Variants in DTNA observed in about 807,000 individuals in gnomAD.
DTNA encodes dystrobrevin alpha.
In DTNA, 43 loss-of-function variants were observed where a neutral mutation model predicts 100.7. The ratio of observed to expected loss-of-function variants is 0.43; its 90% CI spans 0.33 to 0.55. The LOEUF (loss-of-function observed/expected upper bound fraction) is 0.55, where lower values mean the gene tolerates loss of function less well. Ranked by LOEUF, DTNA falls within the 20% of genes least tolerant of loss-of-function variation. DTNA has a pLI of 0.04. For synonymous variants in DTNA, 349 were observed against 347.9 expected (o/e 1.00, Z -0.04); for missense variants, 798 against 953.9 (o/e 0.84, Z 2.15).
chr18:34,747,547 T>C (rs2091800379), intron 1 of DTNA, among the ~76,000 whole-genome samples: 1 of 152,154 alleles, frequency 6.6e-6, no homozygotes, highest in Non-Finnish European at 1.5e-5. Context: ...CTTATGCCTT[T>C]GCATCCTCAT....
At chr18:34,759,909 T>G (rs2093028608) in intron 2 of DTNA, 1 of 152,078 alleles carries the variant, frequency 6.6e-6, no homozygotes, top group South Asian at 2.1e-4. Flanking sequence ...GTCTCAAACT[T>G]CTGATCTTAA....
intron 3 of DTNA, among the ~76,000 whole-genome samples, chr18:34,793,524 T>C (rs2094839524): frequency 6.6e-6 from 1 of 152,212 alleles, no homozygotes; most frequent in African/African-American, 2.4e-5. Flanking sequence ...TCCAACAGCA[T>C]ACTACTAAAA....
Position 34,829,490 on chromosome 18 carries a change from G to A in DTNA, c.1175+1G>A, listed in dbSNP as rs2095948197. 1.3e-6 allele frequency: 2 copies of A among 1,515,940 alleles called. No homozygotes were observed. The highest frequency in any genetic ancestry group is 2.5e-5 in the East Asian group (1 of 40,448). 93.9% of individuals were successfully genotyped at this position (1,515,940 alleles called of 1,614,324 possible). On this transcript the variant is annotated splice_donor_variant, in intron 11 of 22. Coordinates refer to ENST00000444659, the MANE Select transcript of DTNA (RefSeq NM_001386795.1). LOFTEE classifies it high-confidence loss of function. ...TAAATCAGCTTGATCACGGTGCACG[G>A]TCAGTATCCCAGCCCTGAATTGCTA...
upstream of DTNA, among the ~76,000 whole-genome samples, chr18:34,705,356 T>C (rs570527668): frequency 6.6e-6 from 1 of 152,234 alleles, no homozygotes; most frequent in South Asian, 2.1e-4. Context: ...GTAACTACCA[T>C]TCCTGACTTG....
At chr18:34,546,442 T>C (rs2044784828) in intron 1 of DTNA, among the ~76,000 whole-genome samples, 1 of 151,852 alleles carries the variant, frequency 6.6e-6, no homozygotes, top group Admixed American at 6.6e-5. Flanking sequence ...GAAGGAAGAG[T>C]CTCAAAGATT....
intron 17 of DTNA, chr18:34,867,220 A>C (rs1214435690): frequency 8.1e-7 from 1 of 1,231,292 alleles, no homozygotes; most frequent in African/African-American, 1.6e-5. Flanking sequence ...GTTTGTGTGT[A>C]ACAAAGAATG....
At chr18:34,649,859 G>A (rs1385219053) in intron 1 of DTNA, among the ~76,000 whole-genome samples, 4 of 151,824 alleles carry the variant, frequency 2.6e-5, no homozygotes, top group African/African-American at 9.7e-5. Flanking sequence ...TATGCTATAC[G>A]TGATCCAAAG....
intron 6 of DTNA, among the ~76,000 whole-genome samples, chr18:34,814,722 T>C (rs1480008736): frequency 6.6e-5 from 10 of 151,814 alleles, no homozygotes; most frequent in Non-Finnish European, 4.4e-5. Flanking sequence ...AAAAAGGACC[T>C]ATGTGTTCAA....
At chr18:34,605,391 A>C (rs1278799986) in intron 1 of DTNA, among the ~76,000 whole-genome samples, 1 of 152,226 alleles carries the variant, frequency 6.6e-6, no homozygotes, top group Non-Finnish European at 1.5e-5. Flanking sequence ...TAATATAAGA[A>C]TGTAATTAAA....
chr18:34,807,877 A>AT (rs2095403609), intron 5 of DTNA, among the ~76,000 whole-genome samples: 5 of 145,004 alleles, frequency 3.4e-5, no homozygotes, highest in Non-Finnish European at 3.0e-5. Flanking sequence ...TCAAAAAAAA[A>AT]GAAAAAAAAA....
At chr18:34,564,456 A>G (rs1324328959) in intron 1 of DTNA, among the ~76,000 whole-genome samples, 2 of 152,146 alleles carry the variant, frequency 1.3e-5, no homozygotes, top group Admixed American at 1.3e-4. Flanking sequence ...CACACTTTTG[A>G]AGGATCTTTG....
chr18:34,855,800 A>G (rs2096545433), intron 15 of DTNA, among the ~76,000 whole-genome samples: 1 of 152,200 alleles, frequency 6.6e-6, no homozygotes. Context: ...TTGCACTGTT[A>G]ATTAACCTAC....
intron 1 of DTNA, among the ~76,000 whole-genome samples, chr18:34,745,075 C>A (rs544720147): frequency 4.5e-4 from 69 of 152,178 alleles, no homozygotes; most frequent in Middle Eastern, 3.4e-3. Flanking sequence ...GTACTCGGAA[C>A]ATAGTAAGCT....
chr18:34,725,174 A>C (rs1332844272), intron 1 of DTNA, among the ~76,000 whole-genome samples: 2 of 152,210 alleles, frequency 1.3e-5, no homozygotes, highest in Non-Finnish European at 2.9e-5. Flanking sequence ...ACCATTCAGG[A>C]GATAGGCATG....
chr18:34,862,175 C>T (rs2096638177), intron 16 of DTNA, among the ~76,000 whole-genome samples: 2 of 148,658 alleles, frequency 1.3e-5, no homozygotes, highest in Admixed American at 1.3e-4. Context: ...CTGAATTTGT[C>T]ACTGAGGAAT....
chr18:34,706,714 A>C (rs1189254820), upstream of DTNA, among the ~76,000 whole-genome samples: 1 of 152,208 alleles, frequency 6.6e-6, no homozygotes, highest in Non-Finnish European at 1.5e-5. Context: ...TTCAAAGGAA[A>C]AGTGCATGTT....
chr18:34,658,042 G>A (rs1015015242), intron 1 of DTNA, among the ~76,000 whole-genome samples: 1 of 152,138 alleles, frequency 6.6e-6, no homozygotes, highest in African/African-American at 2.4e-5. Flanking sequence ...TCTCAAACTG[G>A]CATCTGTTTG....
chr18:34,514,891 G>T (rs1815848), intron 1 of DTNA, among the ~76,000 whole-genome samples: 91,490 of 151,730 alleles, frequency 0.6, 28,925 homozygotes, highest in East Asian at 0.91. Flanking sequence ...ATTTCCACAT[G>T]TGAGTTTCAG....
At chr18:34,618,378 C>A (rs2055765734) in intron 1 of DTNA, among the ~76,000 whole-genome samples, 1 of 152,058 alleles carries the variant, frequency 6.6e-6, no homozygotes, top group African/African-American at 2.4e-5. Context: ...TCATTGTCAG[C>A]AAATCATTTT....
Sources: allele counts gnomAD v4.1 joint callset (sites outside exome capture counted in the v4.1 genomes callset), GRCh38; gene constraint gnomAD v4.1.1; transcripts MANE v1.5; gene names NCBI Gene and HGNC (gene_info 2026-07-23, HGNC 2026-07-21).